GRIK2: variants seen among roughly 807,000 people sequenced by gnomAD.
The protein encoded by GRIK2 is glutamate ionotropic receptor kainate type subunit 2, also known as glutamate receptor ionotropic, kainate 2.
In GRIK2, 32 loss-of-function variants were observed where a neutral mutation model predicts 100.3. The ratio of observed to expected loss-of-function variants is 0.32; its 90% CI spans 0.24 to 0.43. GRIK2 has a LOEUF of 0.43. GRIK2 is among the 20% of genes least tolerant of loss of function. The pLI is 1.00. For synonymous variants in GRIK2, 417 were observed against 389.4 expected (o/e 1.07, Z -0.83); for missense variants, 843 against 1,114.9 (o/e 0.76, Z 3.47).
intron 2 of GRIK2, among the ~76,000 whole-genome samples, chr6:101,561,160 T>A (rs1776993441): frequency 6.6e-6 from 1 of 152,150 alleles, no homozygotes; most frequent in Admixed American, 6.5e-5. Flanking sequence ...GGAAGCTATG[T>A]GTTTGATGTT....
At chr6:101,670,484 A>G (rs1454730495) in intron 4 of GRIK2, among the ~76,000 whole-genome samples, 1 of 152,162 alleles carries the variant, frequency 6.6e-6, no homozygotes, top group Admixed American at 6.5e-5. Flanking sequence ...GACTATCAAC[A>G]TGAGCTCTTA....
At chr6:101,758,784 T>C (rs1019910259) in intron 7 of GRIK2, among the ~76,000 whole-genome samples, 2 of 152,222 alleles carry the variant, frequency 1.3e-5, no homozygotes, top group Admixed American at 1.3e-4. Flanking sequence ...AATCATTCTT[T>C]TTTTGAAAAG....
chr6:101,450,496 T>G (rs1439358182), intron 2 of GRIK2, among the ~76,000 whole-genome samples: 2 of 151,728 alleles, frequency 1.3e-5, no homozygotes, highest in Non-Finnish European at 3.0e-5. Flanking sequence ...TGTGATTCTG[T>G]ACCAGGGACA....
At chr6:101,832,674 CAT>C (rs1229580013) in intron 10 of GRIK2, among the ~76,000 whole-genome samples, 1 of 152,134 alleles carries the variant, frequency 6.6e-6, no homozygotes, top group East Asian at 1.9e-4. Context: ...AGAAACAAAA[CAT>C]AAAGTTTGCC....
intron 2 of GRIK2, among the ~76,000 whole-genome samples, chr6:101,544,398 T>C (rs1174496253): frequency 1.3e-5 from 2 of 152,176 alleles, no homozygotes; most frequent in South Asian, 2.1e-4. Flanking sequence ...ATGAGAATTA[T>C]ATTTCCCTAT....
chr6:101,570,460 T>C (rs991041225), intron 2 of GRIK2, among the ~76,000 whole-genome samples: 7 of 152,102 alleles, frequency 4.6e-5, no homozygotes, highest in Non-Finnish European at 1.0e-4. Context: ...TTTCTTCCTT[T>C]CTTTTCTGCC....
intron 11 of GRIK2, 33 bp downstream of exon 11, chr6:101,859,526 T>C (rs746870551): frequency 7.4e-6 from 9 of 1,217,878 alleles, no homozygotes; most frequent in East Asian, 7.0e-5. Flanking sequence ...TATTAGTTTG[T>C]TATGTTGCTA....
At chr6:102,007,462 A>C (rs1412592294) in intron 14 of GRIK2, among the ~76,000 whole-genome samples, 2 of 152,156 alleles carry the variant, frequency 1.3e-5, no homozygotes, top group African/African-American at 4.8e-5. Context: ...ACTTTGTGAC[A>C]GTACTCATTC....
chr6:101,676,935 GTC>G, intron 5 of GRIK2, 131 bp downstream of exon 5: 1 of 561,988 alleles, frequency 1.8e-6, no homozygotes, highest in South Asian at 2.9e-5. Flanking sequence ...ATGATAGAAA[GTC>G]TGACAATTGC....
chr6:101,700,178 T>C (rs771581754), intron 7 of GRIK2, among the ~76,000 whole-genome samples: 1 of 151,726 alleles, frequency 6.6e-6, no homozygotes, highest in Non-Finnish European at 1.5e-5. Context: ...CAAAAATCCC[T>C]ATACAAAGAG....
chr6:101,796,698 CT>C (rs1023582678), intron 7 of GRIK2, among the ~76,000 whole-genome samples: 5 of 152,024 alleles, frequency 3.3e-5, no homozygotes, highest in Non-Finnish European at 7.4e-5. Flanking sequence ...TTACTTGTAC[CT>C]TTTTCTCAAG....
At chr6:101,571,330 T>G (rs1178642589) in intron 2 of GRIK2, among the ~76,000 whole-genome samples, 1 of 152,060 alleles carries the variant, frequency 6.6e-6, no homozygotes, top group South Asian at 2.1e-4. Flanking sequence ...ATAATAATAA[T>G]AAAAATAATA....
At chr6:101,516,217 C>A (rs549384068) in intron 2 of GRIK2, among the ~76,000 whole-genome samples, 58 of 152,198 alleles carry the variant, frequency 3.8e-4, no homozygotes, top group Non-Finnish European at 7.9e-4. Context: ...CATCATTCTT[C>A]ACAGAATTAG....
chr6:102,063,758 T>TAAAAA (rs34730340), intron 16 of GRIK2, among the ~76,000 whole-genome samples: 5 of 144,574 alleles, frequency 3.5e-5, no homozygotes, highest in Admixed American at 1.4e-4. Context: ...TAGAGCTCTT[T>TAAAAA]AAAAAAAAAA....
chr6:101,799,273 C>T (rs952105622), intron 7 of GRIK2, among the ~76,000 whole-genome samples: 1 of 128,590 alleles, frequency 7.8e-6, no homozygotes, highest in Non-Finnish European at 1.6e-5. Flanking sequence ...TAGCAATGTA[C>T]TCATTGTGTG....
intron 14 of GRIK2, among the ~76,000 whole-genome samples, chr6:102,022,393 A>G (rs1769475019): frequency 6.6e-6 from 1 of 151,726 alleles, no homozygotes; most frequent in African/African-American, 2.4e-5. Context: ...ATTTTCTGTG[A>G]CTATACTTTG....
intron 14 of GRIK2, among the ~76,000 whole-genome samples, chr6:101,949,569 T>C (rs947858465): frequency 5.3e-5 from 8 of 152,284 alleles, no homozygotes; most frequent in African/African-American, 1.9e-4. Flanking sequence ...CCATGCGTTC[T>C]CATTGTTCAA....
chr6:101,802,457 T>A lies in GRIK2; in HGVS notation c.1203+19T>A. ...AGAAAAGGTATTTCAGTGAGCTTAT[T>A]TGCTTTAATTACTAAATGAAACATA... On this transcript the variant is annotated intron_variant, in intron 9 of 16. Coordinates refer to ENST00000369134, the MANE Select transcript of GRIK2 (RefSeq NM_021956.5). The A allele has an allele frequency of 1.9e-6, 2 of 1,047,380 alleles. No homozygotes were observed. The highest frequency in any genetic ancestry group is 2.9e-6 in the Non-Finnish European group (2 of 698,796). 64.9% of individuals were successfully genotyped at this position (1,047,380 alleles called of 1,614,324 possible).
intron 2 of GRIK2, among the ~76,000 whole-genome samples, chr6:101,415,282 A>G (rs1776078219): frequency 6.7e-6 from 1 of 149,598 alleles, no homozygotes; most frequent in Non-Finnish European, 1.5e-5. Context: ...TTTATCCTTG[A>G]TCTTACTGTA....
Sources: allele counts gnomAD v4.1 joint callset (sites outside exome capture counted in the v4.1 genomes callset), GRCh38; gene constraint gnomAD v4.1.1; transcripts MANE v1.5; gene names NCBI Gene and HGNC (gene_info 2026-07-23, HGNC 2026-07-21).